Variants in FBLN2 observed in about 807,000 individuals in gnomAD.
The protein encoded by FBLN2 is fibulin 2.
FBLN2 carries 81 observed loss-of-function variants against 123.7 expected under a neutral mutation model. The observed-to-expected ratio is 0.65, with a 90% CI of 0.55 to 0.79. The LOEUF (loss-of-function observed/expected upper bound fraction) is 0.79. FBLN2 is among the 30% of genes least tolerant of loss of function. The pLI, the probability that FBLN2 is intolerant of heterozygous loss-of-function variation, is 0.00. For synonymous variants in FBLN2, 699 were observed against 701.4 expected, an observed-to-expected ratio of 1.00 and a Z score of 0.05; for missense variants, 1,603 against 1,681.3, an observed-to-expected ratio of 0.95 and a Z score of 0.81.
chr3:13,570,004 A>C (rs191557892), intron 1 of FBLN2, among the ~76,000 whole-genome samples: 37 of 152,030 alleles, frequency 2.4e-4, no homozygotes, highest in Non-Finnish European at 4.4e-4. Context: ...ACGAGGGCTC[A>C]CTCAGAGGAC....
rs77983433 is a variant in FBLN2, at chr3:13,638,242, C to T, written c.*323C>T. The T allele has an allele frequency of 8.3e-3, 4,696 of 563,170 alleles. 185 individuals are homozygous for T. The highest frequency in any genetic ancestry group is 0.08 in the African/African-American group (4,231 of 52,780). The allele number at this position is 563,170 out of a possible 1,614,324, so 34.9% of individuals were successfully genotyped here. ...GGCTCTTGGACTCCTCTGGATGACC[C>T]GTCCCCAAAGTTGACATTCCATTTC... On this transcript the variant is annotated 3_prime_UTR_variant, in exon 18 of 18. Coordinates refer to ENST00000404922, the MANE Select transcript of FBLN2 (RefSeq NM_001004019.2).
rs902490655 is a variant in FBLN2, at chr3:13,577,131, G to T, written c.1306+5470G>T. Among the ~76,000 whole-genome samples the T allele has an allele frequency of 1.2e-3, 182 of 151,756 alleles. 1 individual carries two copies. The highest frequency in any genetic ancestry group is 6.5e-4 in the Non-Finnish European group (44 of 67,954). ...CCAGCTACTCAGGAGGCTGAGGCAG[G>T]AGAATCGCTTGAACCCGGGAGGCAG... On this transcript the variant is annotated intron_variant, in intron 2 of 17. Coordinates refer to ENST00000404922, the MANE Select transcript of FBLN2 (RefSeq NM_001004019.2).
intron 1 of FBLN2, among the ~76,000 whole-genome samples, chr3:13,561,730 T>C (rs994012326): frequency 6.6e-6 from 1 of 152,214 alleles, no homozygotes; most frequent in Non-Finnish European, 1.5e-5. Flanking sequence ...ATTGGCTGCA[T>C]GCGGGTAGGA....
rs200790135 is a variant in FBLN2 at position 13,636,520 on chromosome 3, G to A, written c.3290G>A (p.Arg1097His). 56 of 1,613,694 alleles carry A rather than the reference G, an allele frequency of 3.5e-5. No homozygotes were observed. The highest frequency in any genetic ancestry group is 2.5e-4 in the South Asian group (23 of 90,962). ...ETCHNIQGSF[R>H]CLRFECPPNY... Reference sequence around the variant, plus strand: ...TGCCACAACATCCAGGGTAGCTTCCGCTGCCTGCGCTTCGAGTGTCCTCCC... The same window carrying A: ...TGCCACAACATCCAGGGTAGCTTCCACTGCCTGCGCTTCGAGTGTCCTCCC... Residue 1097 changes from arginine (R) to histidine (H), a missense_variant, in exon 17 of 18, where the codon CGC becomes CAC. Arg to His is a conservative substitution (Grantham distance 29). Transcript: ENST00000404922.
At chr3:13,560,246 T>C (rs1244064224) in intron 1 of FBLN2, among the ~76,000 whole-genome samples, 1 of 152,188 alleles carries the variant, frequency 6.6e-6, no homozygotes, top group African/African-American at 2.4e-5. Context: ...TTTTTCTTTT[T>C]TTTAGGGAGG....
At chr3:13,555,114 G>A (rs1206851089) in intron 1 of FBLN2, among the ~76,000 whole-genome samples, 1 of 151,892 alleles carries the variant, frequency 6.6e-6, no homozygotes, top group African/African-American at 2.4e-5. Flanking sequence ...CACCACACTG[G>A]GTTAATTTTG....
intron 2 of FBLN2, among the ~76,000 whole-genome samples, chr3:13,606,560 A>C (rs1240939002): frequency 6.6e-6 from 1 of 152,244 alleles, no homozygotes. Flanking sequence ...TGACTCCTCA[A>C]AAACTTAACT....
At chr3:13,586,103 G>A (rs894445680) in intron 2 of FBLN2, among the ~76,000 whole-genome samples, 2 of 152,194 alleles carry the variant, frequency 1.3e-5, no homozygotes, top group African/African-American at 4.8e-5. Context: ...ATAAGATGTG[G>A]AGGTGGAAGG....
chr3:13,564,174 T>A (rs1324661499), intron 1 of FBLN2, among the ~76,000 whole-genome samples: 1 of 152,130 alleles, frequency 6.6e-6, no homozygotes, highest in Non-Finnish European at 1.5e-5. Context: ...ACAGGCTGGG[T>A]GGCTGGTTTG....
At chr3:13,605,251 TC>T (rs1705164364) in intron 2 of FBLN2, among the ~76,000 whole-genome samples, 2 of 152,238 alleles carry the variant, frequency 1.3e-5, no homozygotes, top group Non-Finnish European at 2.9e-5. Context: ...GCTCTTATTA[TC>T]CTCTTTGCAA....
chr3:13,595,542 C>T (rs779640720), intron 2 of FBLN2, among the ~76,000 whole-genome samples: 1 of 152,214 alleles, frequency 6.6e-6, no homozygotes, highest in African/African-American at 2.4e-5. Context: ...CTCCACACCC[C>T]CAGGAGAACA....
At chr3:13,562,217 C>T (rs1703628777) in intron 1 of FBLN2, among the ~76,000 whole-genome samples, 1 of 152,136 alleles carries the variant, frequency 6.6e-6, no homozygotes, top group South Asian at 2.1e-4. Context: ...CAGGAGCAGC[C>T]CTTATTTCCT....
At chr3:13,627,786 G>T (rs1239183161) in intron 10 of FBLN2, 46 bp from the exon 11 acceptor site, 1 of 1,578,908 alleles carries the variant, frequency 6.3e-7, no homozygotes, top group South Asian at 1.2e-5. Flanking sequence ...GAGTGTAAAG[G>T]CAGGACCTGC....
intron 6 of FBLN2, 107 bp downstream of exon 6, chr3:13,618,392 C>G: frequency 9.6e-7 from 1 of 1,038,820 alleles, no homozygotes; most frequent in South Asian, 1.5e-5. Context: ...TCCTGTTACC[C>G]CACAAGTTGG....
intron 1 of FBLN2, among the ~76,000 whole-genome samples, chr3:13,559,050 G>T (rs1339288179): frequency 2.0e-5 from 3 of 152,226 alleles, no homozygotes; most frequent in East Asian, 3.9e-4. Context: ...GCTAGGTGGG[G>T]TTAGTTGGTG....
chr3:13,603,356 T>G (rs1260976880), intron 2 of FBLN2, among the ~76,000 whole-genome samples: 1 of 151,918 alleles, frequency 6.6e-6, no homozygotes, highest in Non-Finnish European at 1.5e-5. Context: ...TCATTTACAT[T>G]AGGTATTTCT....
intron 2 of FBLN2, 28 bp downstream of exon 2, chr3:13,571,689 G>A (rs1559403497): frequency 4.6e-6 from 7 of 1,514,086 alleles, no homozygotes; most frequent in Non-Finnish European, 6.2e-6. Context: ...TTCCTTCAGG[G>A]CACTTTGTGT....
chr3:13,618,115 T>G lies in FBLN2; in HGVS notation c.1769T>G (p.Leu590Arg). 2 of 1,613,494 alleles carry G rather than the reference T, an allele frequency of 1.2e-6. No individual in the cohort carries two copies. Among genetic ancestry groups the G allele is most frequent in the Non-Finnish European group, 1.7e-6 (2 of 1,179,910 alleles). ...ATGGCGGGCCGAGAGGCCCTGTCAC[T>G]GGGCACAGAGGCCGAGCTGCCGAAC... The part of the protein sequence containing the change: ...AEMAGREALS[L>R]GTEAELPNSL... The change falls in exon 6 of 18, where the codon CTG becomes CGG. Residue 590 changes from leucine to arginine, a missense_variant. Physicochemically the swap from Leu to Arg is moderately radical, Grantham distance 102. Coordinates refer to ENST00000404922, the MANE Select transcript of FBLN2 (RefSeq NM_001004019.2).
intron 5 of FBLN2, among the ~76,000 whole-genome samples, chr3:13,617,465 T>G (rs1027107866): frequency 7.1e-6 from 1 of 141,716 alleles, no homozygotes; most frequent in South Asian, 2.5e-4. Flanking sequence ...CATCCATCCA[T>G]TCAGCCAAAT....
Sources: gnomAD v4.1 joint callset for allele counts (sites outside exome capture counted in the v4.1 genomes callset) on GRCh38, gnomAD v4.1.1 for gene constraint, MANE v1.5 for transcripts, NCBI Gene and HGNC (gene_info 2026-07-23, HGNC 2026-07-21) for gene names.